The following TMEM131 variants were observed in gnomAD, a reference collection of about 807,000 sequenced individuals.
TMEM131 encodes the protein 2610524E03Rik.
Under a neutral mutation model 211.6 loss-of-function variants are expected in TMEM131, and 66 were observed. That is an observed-to-expected ratio of 0.31 (90% CI 0.26 to 0.38). The LOEUF (loss-of-function observed/expected upper bound fraction) is 0.38, where lower values mean the gene tolerates loss of function less well. TMEM131 is among the 10% of genes least tolerant of loss of function. The pLI is 1.00. For synonymous variants in TMEM131, 844 were observed against 841.3 expected (o/e 1.00, Z -0.06); for missense variants, 2,036 against 2,299.3 (o/e 0.89, Z 2.34).
In TMEM131 at chr2:97,913,998, G is replaced by A. The variant is rs140263294; in HGVS notation, c.250-5300C>T. Among the ~76,000 whole-genome samples, 637 of 152,250 alleles carry A rather than the reference G, an allele frequency of 4.2e-3. 4 individuals are homozygous for A. The highest frequency in any genetic ancestry group is 7.3e-3 in the Non-Finnish European group (496 of 68,014). ...CAGGACTGGGTTGGGGGAAGGTAGAGGATGAGGTCTGCTTTTGATTATGAA... is the reference window on the plus strand; with the variant it reads ...CAGGACTGGGTTGGGGGAAGGTAGAAGATGAGGTCTGCTTTTGATTATGAA... On this transcript the variant is annotated intron_variant, in intron 2 of 40. Transcript: ENST00000186436.
chr2:97,766,726 C>T lies in TMEM131; in HGVS notation c.4449-124G>A, dbSNP rs1045650038. On this transcript the variant is annotated intron_variant, in intron 33 of 40. Transcript: ENST00000186436. ...AGGAAGCTAATGTGGCTTCCTGGGG[C>T]GTTATCTACCCTTGGTCCTAACTCA... The T allele has an allele frequency of 1.4e-5, 16 of 1,151,626 alleles. No individual in the cohort carries two copies. In the East Asian group the frequency reaches 1.5e-4, roughly 11 times the overall value. The allele number at this position is 1,151,626 out of a possible 1,614,324, so 71.3% of individuals were successfully genotyped here. A position where few individuals can be genotyped will look rare whatever the true frequency, so the allele number is the denominator to read the frequency against.
intron 33 of TMEM131, among the ~76,000 whole-genome samples, chr2:97,769,732 G>A (rs1367474799): frequency 2.0e-5 from 3 of 152,242 alleles, no homozygotes; most frequent in Non-Finnish European, 4.4e-5. Context: ...AACCAGGGAT[G>A]CCCTGGGCCC....
intron 3 of TMEM131, among the ~76,000 whole-genome samples, chr2:97,907,917 A>C (rs556146563): frequency 3.9e-5 from 6 of 152,286 alleles, no homozygotes; most frequent in African/African-American, 1.4e-4. Context: ...CTTCTAAGCT[A>C]ACTTCCTTTA....
intron 11 of TMEM131, among the ~76,000 whole-genome samples, chr2:97,832,849 A>T (rs1682773691): frequency 6.6e-6 from 1 of 152,130 alleles, no homozygotes; most frequent in Admixed American, 6.5e-5. Context: ...TGTGTGAGGG[A>T]GAGAGGGCCT....
rs767636687 is a variant in TMEM131, at chr2:97,995,462, C to T, written c.187+14G>A. ...GACAGCCCCGCCGCAGGGACGCCGC[C>T]GGGGGACACCCACCTTCCTTCTCGG... On this transcript the variant is annotated intron_variant, in intron 1 of 40. Coordinates refer to ENST00000186436, the MANE Select transcript of TMEM131 (RefSeq NM_015348.2). 3.6e-5 allele frequency: 50 copies of T among 1,381,254 alleles called. No individual in the cohort carries two copies. The highest frequency in any genetic ancestry group is 4.4e-5 in the Non-Finnish European group (47 of 1,062,894). 85.6% of individuals were successfully genotyped at this position (1,381,254 alleles called of 1,614,324 possible). A position where few individuals can be genotyped will look rare whatever the true frequency, so the allele number is the denominator to read the frequency against.
At chr2:97,935,084 C>T (rs563549455) in intron 1 of TMEM131, among the ~76,000 whole-genome samples, 54 of 151,782 alleles carry the variant, frequency 3.6e-4, no homozygotes, top group African/African-American at 1.1e-3. Flanking sequence ...GGACAAACTA[C>T]GAAAAGGTAT....
chr2:97,818,853 C>G, intron 11 of TMEM131, 132 bp from the exon 12 acceptor site: 1 of 580,544 alleles, frequency 1.7e-6, no homozygotes, highest in Non-Finnish European at 3.0e-6. Context: ...TTATGTTGTC[C>G]CTTTAAATGG....
chr2:97,825,041 A>T (rs1442990946), intron 11 of TMEM131, among the ~76,000 whole-genome samples: 2 of 152,186 alleles, frequency 1.3e-5, no homozygotes, highest in African/African-American at 4.8e-5. Flanking sequence ...CTTCTTCTGT[A>T]TTCCCCTGCA....
chr2:97,839,332 C>G (rs1683086253), intron 7 of TMEM131, among the ~76,000 whole-genome samples: 1 of 151,430 alleles, frequency 6.6e-6, no homozygotes, highest in African/African-American at 2.4e-5. Flanking sequence ...ACCAACCAAC[C>G]AACCAACCAA....
In TMEM131 at chr2:97,781,696, A is replaced by C. The variant is rs1202118608; in HGVS notation, c.4145-5678T>G. ...TAAAAACTCTAGGCAGTATACAAAAACAAAGAAGATGACTCTGAAAGGCAG... is the reference window on the plus strand; with the variant it reads ...TAAAAACTCTAGGCAGTATACAAAACCAAAGAAGATGACTCTGAAAGGCAG... On this transcript the variant is annotated intron_variant, in intron 31 of 40. Coordinates refer to ENST00000186436, the MANE Select transcript of TMEM131 (RefSeq NM_015348.2). Among the ~76,000 whole-genome samples the C allele has an allele frequency of 1.3e-5, 2 of 152,248 alleles. 1 individual carries two copies. Among genetic ancestry groups the C allele is most frequent in the Non-Finnish European group, 2.9e-5 (2 of 68,042 alleles).
At chr2:97,871,002 T>A (rs1573486988) in intron 4 of TMEM131, among the ~76,000 whole-genome samples, 1 of 152,342 alleles carries the variant, frequency 6.6e-6, no homozygotes, top group East Asian at 1.9e-4. Context: ...GAAAAATGCC[T>A]TTCATAAACT....
intron 1 of TMEM131, among the ~76,000 whole-genome samples, chr2:97,988,973 T>C (rs536703521): frequency 6.6e-6 from 1 of 152,304 alleles, no homozygotes; most frequent in South Asian, 2.1e-4. Flanking sequence ...TTCACAGCAT[T>C]AGTCACAAGA....
At chr2:97,965,082 C>G (rs944404218) in intron 1 of TMEM131, among the ~76,000 whole-genome samples, 3 of 152,092 alleles carry the variant, frequency 2.0e-5, no homozygotes, top group African/African-American at 7.2e-5. Flanking sequence ...ACAGGTTGCT[C>G]GGGGAAATAA....
chr2:97,776,793 A>G (rs1679756991), intron 31 of TMEM131, among the ~76,000 whole-genome samples: 1 of 152,238 alleles, frequency 6.6e-6, no homozygotes, highest in African/African-American at 2.4e-5. Flanking sequence ...CAGTGTAGCC[A>G]TAATGGCTGG....
chr2:97,815,005 C>T (rs1027762063), intron 13 of TMEM131, among the ~76,000 whole-genome samples, 194 bp downstream of exon 13: 1 of 152,008 alleles, frequency 6.6e-6, no homozygotes, highest in African/African-American at 2.4e-5. Context: ...TCCCACTTAC[C>T]CTTTTCTTCT....
chr2:97,910,299 G>A (rs887689989), intron 2 of TMEM131, among the ~76,000 whole-genome samples: 5 of 152,150 alleles, frequency 3.3e-5, no homozygotes, highest in African/African-American at 1.2e-4. Flanking sequence ...AAATGGTGTA[G>A]CCACTATGGA....
At chr2:97,855,864 C>CA (rs1179023903) in intron 5 of TMEM131, among the ~76,000 whole-genome samples, 1 of 152,054 alleles carries the variant, frequency 6.6e-6, no homozygotes, top group Non-Finnish European at 1.5e-5. Context: ...GTTAAATTCC[C>CA]AAAAACATGC....
At chr2:97,943,086 A>C (rs1559464677) in intron 1 of TMEM131, among the ~76,000 whole-genome samples, 11 of 144,060 alleles carry the variant, frequency 7.6e-5, no homozygotes, top group African/African-American at 2.6e-4. Flanking sequence ...AGAAAGAAAG[A>C]AAGAAAGAAA....
At chr2:97,806,862 C>T (rs1003893335) in intron 19 of TMEM131, among the ~76,000 whole-genome samples, 1 of 152,054 alleles carries the variant, frequency 6.6e-6, no homozygotes, top group Non-Finnish European at 1.5e-5. Flanking sequence ...CTGAGGCCAG[C>T]GCTCCTCATT....
Sources: gnomAD v4.1 joint callset for allele counts (sites outside exome capture counted in the v4.1 genomes callset) on GRCh38, gnomAD v4.1.1 for gene constraint, MANE v1.5 for transcripts, NCBI Gene and HGNC (gene_info 2026-07-23, HGNC 2026-07-21) for gene names.